KCNMA1: variants seen among roughly 807,000 people sequenced by gnomAD.
KCNMA1 encodes the protein potassium calcium-activated channel subfamily M alpha 1.
Under a neutral mutation model 140.0 loss-of-function variants are expected in KCNMA1, and 29 were observed. The ratio of observed to expected loss-of-function variants is 0.21; its 90% CI spans 0.15 to 0.28. The LOEUF is 0.28. Among genes scored for constraint, KCNMA1 ranks in the 10% least tolerant of loss-of-function variants. The pLI is 1.00. For missense variants in KCNMA1, 880 were observed against 1,602.2 expected, an observed-to-expected ratio of 0.55 and a Z score of 7.70; for synonymous variants, 612 against 611.9, an observed-to-expected ratio of 1.00 and a Z score of 0.00.
At chr10:77,451,577 G>A (rs1378551907) in intron 1 of KCNMA1, among the ~76,000 whole-genome samples, 1 of 152,196 alleles carries the variant, frequency 6.6e-6, no homozygotes, top group Non-Finnish European at 1.5e-5. Context: ...TTCCAGCCTA[G>A]GGTGCAAGGA....
intron 2 of KCNMA1, among the ~76,000 whole-genome samples, chr10:77,324,969 C>G (rs201919533): frequency 0.23 from 21,806 of 92,920 alleles, 1,872 homozygotes; most frequent in East Asian, 0.37. Context: ...CTCTCTCTCT[C>G]TCTGTGTGTG....
At chr10:77,191,142 C>G (rs1598351404) in intron 3 of KCNMA1, among the ~76,000 whole-genome samples, 1 of 152,216 alleles carries the variant, frequency 6.6e-6, no homozygotes, top group East Asian at 1.9e-4. Flanking sequence ...GATAAACTGC[C>G]TACACTGGAA....
chr10:77,443,299 C>T (rs1289738540), intron 1 of KCNMA1, among the ~76,000 whole-genome samples: 10 of 152,172 alleles, frequency 6.6e-5, no homozygotes, highest in Admixed American at 6.5e-4. Flanking sequence ...TCTAGAAGCC[C>T]TGCATTCATG....
At chr10:77,159,631 T>C (rs1382456484) in intron 5 of KCNMA1, among the ~76,000 whole-genome samples, 1 of 152,126 alleles carries the variant, frequency 6.6e-6, no homozygotes, top group East Asian at 1.9e-4. Context: ...CTTTGTTCAT[T>C]TGCAAACACT....
chr10:77,403,053 AAG>A (rs2096330335), intron 2 of KCNMA1, among the ~76,000 whole-genome samples: 1 of 152,152 alleles, frequency 6.6e-6, no homozygotes, highest in African/African-American at 2.4e-5. Flanking sequence ...TTTGCACTGA[AAG>A]ACTCATGTCT....
chr10:76,967,397 G>A (rs1016662475), intron 20 of KCNMA1, among the ~76,000 whole-genome samples: 1 of 152,196 alleles, frequency 6.6e-6, no homozygotes, highest in African/African-American at 2.4e-5. Context: ...AAAAGCCACA[G>A]GGAGCTGGGA....
chr10:77,636,249 T>A (rs1235175839), intron 1 of KCNMA1: 22 of 1,436,862 alleles, frequency 1.5e-5, no homozygotes, highest in Non-Finnish European at 2.0e-5. Context: ...CAGTGTCGGG[T>A]CCCCCACTCC....
At chr10:76,998,593 C>G (rs2085146190) in intron 19 of KCNMA1, among the ~76,000 whole-genome samples, 1 of 152,160 alleles carries the variant, frequency 6.6e-6, no homozygotes. Context: ...TCTGATCCGC[C>G]CATCTGACCT....
intron 3 of KCNMA1, among the ~76,000 whole-genome samples, chr10:77,240,003 C>G (rs188247619): frequency 2.2e-4 from 33 of 152,226 alleles, no homozygotes; most frequent in African/African-American, 7.7e-4. Flanking sequence ...GGATAGTTTC[C>G]AATAATTACT....
At chr10:77,004,253 A>ACACACACACACACAC (rs1555092511) in intron 18 of KCNMA1, among the ~76,000 whole-genome samples, 1 of 150,522 alleles carries the variant, frequency 6.6e-6, no homozygotes, top group African/African-American at 2.4e-5. Flanking sequence ...ACACACACAC[A>ACACACACACACACAC]AAATCAGCAA....
chr10:77,032,509 C>T (rs2094006144), intron 15 of KCNMA1, among the ~76,000 whole-genome samples: 1 of 151,982 alleles, frequency 6.6e-6, no homozygotes, highest in Non-Finnish European at 1.5e-5. Flanking sequence ...AATAAAATGC[C>T]CCAGTATGTC....
chr10:77,477,646 T>G (rs1380691762), intron 1 of KCNMA1, among the ~76,000 whole-genome samples: 3 of 152,206 alleles, frequency 2.0e-5, no homozygotes, highest in African/African-American at 7.2e-5. Context: ...ACTTTGTTAC[T>G]TGTGACCTAG....
chr10:77,365,537 G>T (rs1603424777), intron 2 of KCNMA1, among the ~76,000 whole-genome samples: 2 of 152,308 alleles, frequency 1.3e-5, no homozygotes, highest in South Asian at 2.1e-4. Context: ...CTTGGAGCAG[G>T]TGATAGTGTG....
intron 3 of KCNMA1, chr10:77,250,500 A>G (rs1399948039): frequency 6.5e-6 from 1 of 154,862 alleles, no homozygotes; most frequent in Non-Finnish European, 1.4e-5. Context: ...TGCCCTCTTC[A>G]TCCTTCTGCA....
At chr10:77,501,336 GCC>G (rs1451808744) in intron 1 of KCNMA1, among the ~76,000 whole-genome samples, 5 of 152,158 alleles carry the variant, frequency 3.3e-5, no homozygotes, top group Non-Finnish European at 7.4e-5. Flanking sequence ...TGTGCCTCCA[GCC>G]CCACTGCTCT....
chr10:77,232,646 A>G (rs1232535711), intron 3 of KCNMA1, among the ~76,000 whole-genome samples: 2 of 152,158 alleles, frequency 1.3e-5, no homozygotes, highest in Non-Finnish European at 2.9e-5. Flanking sequence ...TTGAAACACA[A>G]ATGTTTTTAA....
chr10:76,993,755 T>A (rs1391810532), intron 19 of KCNMA1, among the ~76,000 whole-genome samples: 1 of 152,242 alleles, frequency 6.6e-6, no homozygotes, highest in African/African-American at 2.4e-5. Context: ...AGTGTCGCAC[T>A]GTCTAAAGAC....
intron 1 of KCNMA1, among the ~76,000 whole-genome samples, chr10:77,419,900 T>A (rs2096831307): frequency 6.6e-6 from 1 of 152,098 alleles, no homozygotes; most frequent in South Asian, 2.1e-4. Flanking sequence ...AAGAAGAAAG[T>A]GAAGAGGTCA....
At chr10:77,564,151 G>A (rs2067336673) in intron 1 of KCNMA1, among the ~76,000 whole-genome samples, 3 of 152,190 alleles carry the variant, frequency 2.0e-5, no homozygotes, top group African/African-American at 2.4e-5. Flanking sequence ...AAAAAGAGAA[G>A]AACAGAGATG....
Sources: gnomAD v4.1 joint callset for allele counts (sites outside exome capture counted in the v4.1 genomes callset) on GRCh38, gnomAD v4.1.1 for gene constraint, MANE v1.5 for transcripts, NCBI Gene and HGNC (gene_info 2026-07-23, HGNC 2026-07-21) for gene names.